The following NAALADL2 variants were observed in gnomAD, a reference collection of about 807,000 sequenced individuals.
The protein encoded by NAALADL2 is N-acetylated alpha-linked acidic dipeptidase like 2.
In NAALADL2, 76 loss-of-function variants were observed where a neutral mutation model predicts 87.2. The ratio of observed to expected loss-of-function variants is 0.87; its 90% CI spans 0.72 to 1.05. The LOEUF is 1.05. Among genes scored for constraint, NAALADL2 ranks in the 50% least tolerant of loss-of-function variants. NAALADL2 has a pLI of 0.00. For missense variants in NAALADL2, 1,089 were observed against 945.8 expected (o/e 1.15, Z -1.99); for synonymous variants, 354 against 331.0 (o/e 1.07, Z -0.75).
intron 9 of NAALADL2, among the ~76,000 whole-genome samples, chr3:175,500,262 G>T (rs1217761303): frequency 6.6e-6 from 1 of 152,084 alleles, no homozygotes. Context: ...GAGGTATTTT[G>T]CAGGGGAGGA....
At position 175,764,128 on chromosome 3, in the gene NAALADL2, T is replaced by C. The variant is rs571739610; in HGVS notation, c.2189+8710T>C. Reference sequence around the variant, plus strand: ...TAACCTTTATTTTATTATTATTAAATTATTTTAATTATATTTAAATATAAT... The same window carrying C: ...TAACCTTTATTTTATTATTATTAAACTATTTTAATTATATTTAAATATAAT... On this transcript the variant is annotated intron_variant, in intron 13 of 13. Transcript: ENST00000454872. Among the ~76,000 whole-genome samples the C allele has an allele frequency of 6.7e-5, 10 of 149,848 alleles. No homozygotes were observed. In the South Asian group the frequency reaches 2.1e-3, roughly 31 times the overall value.
Position 174,617,790 on chromosome 3 carries a change from G to T in NAALADL2, c.-115+67153G>T, listed in dbSNP as rs1391976722. ...TTTACCAAGGATAATTTATAAACTGGGTGGGGAATGGACTTATTTTTTTCC... is the reference window on the plus strand; with the variant it reads ...TTTACCAAGGATAATTTATAAACTGTGTGGGGAATGGACTTATTTTTTTCC... On this transcript the variant is annotated intron_variant, in intron 2 of 3. Transcript: ENST00000434257. Among the ~76,000 whole-genome samples, 8 of 151,698 alleles carry T rather than the reference G, an allele frequency of 5.3e-5. 1 individual carries two copies. Among genetic ancestry groups the T allele is most frequent in the African/African-American group, 1.2e-4 (5 of 41,402 alleles).
intron 9 of NAALADL2, among the ~76,000 whole-genome samples, chr3:175,553,272 C>G (rs1165283307): frequency 6.6e-6 from 1 of 152,122 alleles, no homozygotes; most frequent in Non-Finnish European, 1.5e-5. Context: ...GACCATTGGG[C>G]TCTACGCCAA....
chr3:175,721,818 G>A (rs1485715383), intron 11 of NAALADL2, among the ~76,000 whole-genome samples: 1 of 152,024 alleles, frequency 6.6e-6, no homozygotes, highest in Non-Finnish European at 1.5e-5. Flanking sequence ...CATGGTGAGT[G>A]CCTTAGAGAA....
At chr3:174,855,600 C>G (rs965738672), upstream of NAALADL2, among the ~76,000 whole-genome samples, 1 of 151,998 alleles carries the variant, frequency 6.6e-6, no homozygotes, top group Non-Finnish European at 1.5e-5. Context: ...CTTTGCTAAT[C>G]TATGTCTTTG....
intron 9 of NAALADL2, among the ~76,000 whole-genome samples, chr3:175,534,081 C>T (rs999198317): frequency 6.9e-6 from 1 of 144,668 alleles, no homozygotes; most frequent in Non-Finnish European, 1.5e-5. Context: ...ATTTATTATG[C>T]CAAGGATTAT....
At chr3:175,398,949 A>C (rs1770193609) in intron 5 of NAALADL2, among the ~76,000 whole-genome samples, 2 of 152,058 alleles carry the variant, frequency 1.3e-5, no homozygotes, top group Non-Finnish European at 1.5e-5. Context: ...AAGTAAAATG[A>C]TGAAAGAACA....
In NAALADL2 at chr3:175,409,354, G is replaced by A. The variant is rs184294665; in HGVS notation, c.1091-37875G>A. 4.9e-4 allele frequency among the ~76,000 whole-genome samples: 75 copies of A among 151,958 alleles called. 2 individuals are homozygous for A. Among genetic ancestry groups the A allele is most frequent in the East Asian group, 3.9e-3 (20 of 5,184 alleles). Reference sequence around the variant, plus strand: ...ACTTGTGGCAAAAGTTGTCCAGGATGTCATTGATTTGTGATTGTATTCCAT... The same window carrying A: ...ACTTGTGGCAAAAGTTGTCCAGGATATCATTGATTTGTGATTGTATTCCAT... On this transcript the variant is annotated intron_variant, in intron 5 of 13. Coordinates refer to ENST00000454872, the MANE Select transcript of NAALADL2 (RefSeq NM_207015.3).
chr3:175,713,054 T>G (rs1325096278), intron 11 of NAALADL2, among the ~76,000 whole-genome samples: 1 of 152,102 alleles, frequency 6.6e-6, no homozygotes, highest in African/African-American at 2.4e-5. Context: ...AGGAAAACAA[T>G]CTAGACACAA....
chr3:174,820,309 A>G (rs1300331059), intron 3 of NAALADL2, among the ~76,000 whole-genome samples: 1 of 152,216 alleles, frequency 6.6e-6, no homozygotes, highest in Non-Finnish European at 1.5e-5. Context: ...TTGTAAAATT[A>G]TTAAGTTGAA....
chr3:175,414,365 T>C (rs1009831439), intron 5 of NAALADL2, among the ~76,000 whole-genome samples: 3 of 152,316 alleles, frequency 2.0e-5, no homozygotes, highest in African/African-American at 7.2e-5. Flanking sequence ...TATGTGTGTT[T>C]AATTCCTCTT....
chr3:174,719,853 C>T (rs1731542477), intron 2 of NAALADL2, among the ~76,000 whole-genome samples: 1 of 152,038 alleles, frequency 6.6e-6, no homozygotes, highest in Non-Finnish European at 1.5e-5. Context: ...GAGTGGAGTG[C>T]CAGCCTGGAG....
At chr3:175,266,645 T>G (rs1210531441) in intron 4 of NAALADL2, among the ~76,000 whole-genome samples, 2 of 151,880 alleles carry the variant, frequency 1.3e-5, no homozygotes, top group East Asian at 3.9e-4. Flanking sequence ...TTATAATTCT[T>G]ATACAAAGAT....
At chr3:174,796,591 A>G (rs1459226798) in intron 3 of NAALADL2, among the ~76,000 whole-genome samples, 2 of 151,798 alleles carry the variant, frequency 1.3e-5, no homozygotes, top group Non-Finnish European at 1.5e-5. Context: ...TTTCTATTGT[A>G]TATGTATATC....
At chr3:175,253,956 A>G (rs1042204938) in intron 3 of NAALADL2, among the ~76,000 whole-genome samples, 4 of 152,158 alleles carry the variant, frequency 2.6e-5, no homozygotes, top group Non-Finnish European at 4.4e-5. Context: ...GTTTTTTGAG[A>G]TGGAATCTAC....
chr3:175,492,117 T>G (rs1484683818), intron 9 of NAALADL2, among the ~76,000 whole-genome samples: 9 of 152,166 alleles, frequency 5.9e-5, no homozygotes, highest in Non-Finnish European at 1.0e-4. Flanking sequence ...TCAAAAGAAT[T>G]TCCACGGTAA....
chr3:175,073,682 C>T (rs1219666897), intron 1 of NAALADL2, among the ~76,000 whole-genome samples: 1 of 151,972 alleles, frequency 6.6e-6, no homozygotes, highest in African/African-American at 2.4e-5. Context: ...CAACTAAATC[C>T]TTTGCAACAT....
At chr3:175,363,769 G>T (rs1765275494) in intron 5 of NAALADL2, among the ~76,000 whole-genome samples, 1 of 147,890 alleles carries the variant, frequency 6.8e-6, no homozygotes, top group African/African-American at 2.5e-5. Flanking sequence ...TCTGTAACAA[G>T]TATCTCAGTC....
intron 1 of NAALADL2, among the ~76,000 whole-genome samples, chr3:174,977,568 A>T (rs1469209056): frequency 3.3e-5 from 5 of 152,184 alleles, no homozygotes; most frequent in Non-Finnish European, 1.5e-5. Flanking sequence ...TTTCAGCTTG[A>T]TTTAAGGCTA....
Sources: allele counts gnomAD v4.1 joint callset (sites outside exome capture counted in the v4.1 genomes callset), GRCh38; gene constraint gnomAD v4.1.1; transcripts MANE v1.5; gene names NCBI Gene and HGNC (gene_info 2026-07-23, HGNC 2026-07-21).